The following MUSK variants were observed in gnomAD, a reference collection of about 807,000 sequenced individuals.
MUSK encodes muscle associated receptor tyrosine kinase.
Under a neutral mutation model 88.7 loss-of-function variants are expected in MUSK, and 55 were observed. The observed-to-expected ratio is 0.62, with a 90% CI of 0.50 to 0.78. MUSK has a LOEUF of 0.78. Ranked by LOEUF, MUSK falls within the 30% of genes least tolerant of loss-of-function variation. The pLI, the probability that MUSK is intolerant of heterozygous loss-of-function variation, is 0.00. For synonymous variants in MUSK, 387 were observed against 391.9 expected (o/e 0.99, Z 0.15); for missense variants, 1,015 against 1,074.3 (o/e 0.94, Z 0.77).
In MUSK at chr9:110,788,355, G is replaced by C. The variant is rs1192827587; in HGVS notation, c.1927+517G>C. Among the ~76,000 whole-genome samples, 6 of 151,664 alleles carry C rather than the reference G, an allele frequency of 4.0e-5. No individual in the cohort carries two copies. The East Asian group carries it at 1.2e-3, about 29-fold the overall frequency. On this transcript the variant is annotated intron_variant, in intron 14 of 14. Coordinates refer to ENST00000374448, the MANE Select transcript of MUSK (RefSeq NM_005592.4). Reference sequence around the variant, plus strand: ...TTTCAAAAATCTGTGCTCTCGGCTGGGAGCAGTGGCTCATGCCTATAATCT... The same window carrying C: ...TTTCAAAAATCTGTGCTCTCGGCTGCGAGCAGTGGCTCATGCCTATAATCT...
intron 3 of MUSK, among the ~76,000 whole-genome samples, chr9:110,689,303 T>G (rs1419635793): frequency 8.5e-6 from 1 of 117,256 alleles, no homozygotes; most frequent in Non-Finnish European, 1.6e-5. Context: ...AGCTATATAT[T>G]TATATTTAAA....
At chr9:110,696,455 C>T (rs962044971) in intron 4 of MUSK, among the ~76,000 whole-genome samples, 9 of 152,098 alleles carry the variant, frequency 5.9e-5, no homozygotes, top group African/African-American at 1.4e-4. Flanking sequence ...AAGAGGAATA[C>T]AAAGGTGTCA....
At chr9:110,703,011 C>G (rs1459932384) in intron 5 of MUSK, among the ~76,000 whole-genome samples, 1 of 151,880 alleles carries the variant, frequency 6.6e-6, no homozygotes, top group Non-Finnish European at 1.5e-5. Context: ...GAAAAAAAAG[C>G]TAAAAGAAGA....
In MUSK at chr9:110,785,607, G is replaced by A; in HGVS notation, c.1667G>A (p.Arg556Lys). 6.2e-7 allele frequency: 1 copy of A among 1,613,360 alleles called. No homozygotes were observed. Among genetic ancestry groups the A allele is most frequent in the Non-Finnish European group, 8.5e-7 (1 of 1,179,660 alleles). ...DRLHPNPMYQRMPLLLNPKLL... is the reference protein window; with the variant it reads ...DRLHPNPMYQKMPLLLNPKLL... ...CTTCATCCCAACCCCATGTACCAGA[G>A]GATGCCGCTCCTTCTGAACCCCAAA... The change falls in exon 13 of 15, where the codon AGG becomes AAG. Residue 556 changes from arginine to lysine, a missense_variant. Coordinates refer to ENST00000374448, the MANE Select transcript of MUSK (RefSeq NM_005592.4).
intron 7 of MUSK, chr9:110,748,002 C>A (rs2077197476): frequency 1.4e-6 from 1 of 724,582 alleles, no homozygotes; most frequent in East Asian, 2.7e-5. Flanking sequence ...AAACTAAATC[C>A]TCAATACCTA....
chr9:110,750,296 T>C (rs2077231571), intron 7 of MUSK, among the ~76,000 whole-genome samples: 1 of 152,128 alleles, frequency 6.6e-6, no homozygotes, highest in Non-Finnish European at 1.5e-5. Context: ...TTTCCCTAGA[T>C]GGCAAAGGAG....
At chr9:110,688,089 C>G (rs7873260) in intron 3 of MUSK, among the ~76,000 whole-genome samples, 1 of 151,954 alleles carries the variant, frequency 6.6e-6, no homozygotes. Flanking sequence ...TTAAACCATT[C>G]TATTTTGTAT....
At chr9:110,755,170 G>A (rs533955555) in intron 7 of MUSK, among the ~76,000 whole-genome samples, 40 of 152,274 alleles carry the variant, frequency 2.6e-4, no homozygotes, top group African/African-American at 9.6e-4. Context: ...TCACTCCAGA[G>A]TCTGTTAGTT....
intron 2 of MUSK, among the ~76,000 whole-genome samples, chr9:110,686,005 T>G (rs2076191210): frequency 6.6e-6 from 1 of 152,160 alleles, no homozygotes; most frequent in African/African-American, 2.4e-5. Context: ...TACCACAAAC[T>G]TAGTGGCCTA....
At chr9:110,689,639 T>A (rs1281152251) in intron 3 of MUSK, among the ~76,000 whole-genome samples, 2 of 34,570 alleles carry the variant, frequency 5.8e-5, no homozygotes, top group East Asian at 1.9e-3. Context: ...TATTAGTATA[T>A]ATTAGTAATA....
intron 5 of MUSK, among the ~76,000 whole-genome samples, chr9:110,705,527 A>G (rs2076587523): frequency 6.6e-6 from 1 of 152,202 alleles, no homozygotes; most frequent in African/African-American, 2.4e-5. Context: ...ATAGATGGAA[A>G]TCTGAAATTT....
chr9:110,694,403 AAAACAAAAAAAC>A (rs1564224200), intron 3 of MUSK, among the ~76,000 whole-genome samples: 2 of 132,696 alleles, frequency 1.5e-5, no homozygotes, highest in African/African-American at 6.3e-5. Context: ...AAAAAAAAAA[AAAACAAAAAAAC>A]AAAACCCAAC....
Position 110,776,110 on chromosome 9 carries a change from G to A in MUSK, c.1360+147G>A, listed in dbSNP as rs1022916884. 36 of 739,138 alleles carry A rather than the reference G, an allele frequency of 4.9e-5. No individual in the cohort carries two copies. In the Admixed American group the frequency reaches 5.5e-4, roughly 11 times the overall value. 45.8% of individuals were successfully genotyped at this position (739,138 alleles called of 1,614,324 possible). A position where few individuals can be genotyped will look rare whatever the true frequency, so the allele number is the denominator to read the frequency against. On this transcript the variant is annotated intron_variant, in intron 10 of 14. Transcript: ENST00000374448. ...CTGCCTTCCTTAGATACCTACTAGC[G>A]GAATCCTAATGCTATCCTAATTGTA... is the stretch of plus-strand genomic sequence containing the variant.
intron 6 of MUSK, among the ~76,000 whole-genome samples, chr9:110,737,787 A>G (rs1449375272): frequency 6.6e-6 from 1 of 152,102 alleles, no homozygotes; most frequent in Non-Finnish European, 1.5e-5. Flanking sequence ...CAAAACTTCA[A>G]TCTTTCTCTT....
chr9:110,752,562 C>T (rs959921109), intron 7 of MUSK, among the ~76,000 whole-genome samples: 15 of 152,242 alleles, frequency 9.9e-5, no homozygotes, highest in African/African-American at 3.6e-4. Context: ...TCTCATTTAA[C>T]CATCTCCATC....
At chr9:110,769,671 T>C (rs2077539615) in intron 9 of MUSK, among the ~76,000 whole-genome samples, 1 of 152,190 alleles carries the variant, frequency 6.6e-6, no homozygotes, top group African/African-American at 2.4e-5. Flanking sequence ...AAATTGTTTA[T>C]TTGACGTACT....
At position 110,805,668 on chromosome 9, in the gene MUSK, C is replaced by T. The variant is rs2078151567; in HGVS notation, c.*4680C>T. ...AGAAAAGAATGTTGACTTTTCCGTC[C>T]ATTCAGATGATTGTGGCTTTTTTCC... On this transcript the variant is annotated 3_prime_UTR_variant, in exon 15 of 15. Transcript: ENST00000374448. 6.6e-6 allele frequency among the ~76,000 whole-genome samples: 1 copy of T among 151,858 alleles called. No homozygotes were observed. Among genetic ancestry groups the T allele is most frequent in the South Asian group, 2.1e-4 (1 of 4,818 alleles).
intron 5 of MUSK, among the ~76,000 whole-genome samples, chr9:110,717,668 T>C (rs1248081286): frequency 6.7e-6 from 1 of 150,034 alleles, no homozygotes; most frequent in Non-Finnish European, 1.5e-5. Context: ...TGTCTTTGTC[T>C]TTGTATGTTT....
At chr9:110,769,649 T>C (rs140978673) in intron 9 of MUSK, among the ~76,000 whole-genome samples, 74 of 152,328 alleles carry the variant, frequency 4.9e-4, no homozygotes, top group African/African-American at 1.7e-3. Context: ...GGCTTCTTTA[T>C]AGGATTCTCC....
Sources: allele counts gnomAD v4.1 joint callset (sites outside exome capture counted in the v4.1 genomes callset), GRCh38; gene constraint gnomAD v4.1.1; transcripts MANE v1.5; gene names NCBI Gene and HGNC (gene_info 2026-07-23, HGNC 2026-07-21).